PRDM10: variants seen among roughly 807,000 people sequenced by gnomAD.
The protein encoded by PRDM10 is PR domain zinc finger protein 10.
In PRDM10, 65 loss-of-function variants were observed where a neutral mutation model predicts 133.1. The observed-to-expected ratio is 0.49, with a 90% CI of 0.40 to 0.60. PRDM10 has a LOEUF of 0.60. PRDM10 is among the 20% of genes least tolerant of loss of function. The pLI is 0.00. For missense variants in PRDM10, 1,137 were observed against 1,507.1 expected (o/e 0.75, Z 4.07); for synonymous variants, 582 against 580.4 (o/e 1.00, Z -0.04).
chr11:129,960,810 A>T, intron 2 of PRDM10, 86 bp downstream of exon 2: 1 of 1,387,734 alleles, frequency 7.2e-7, no homozygotes, highest in Non-Finnish European at 1.0e-6. Context: ...AGTCACTACT[A>T]GATAGCAGCT....
At chr11:129,956,767 C>A (rs1288312237) in intron 3 of PRDM10, among the ~76,000 whole-genome samples, 1 of 152,108 alleles carries the variant, frequency 6.6e-6, no homozygotes, top group Admixed American at 6.6e-5. Context: ...ATTAGGCGGG[C>A]CTCATTTCTA....
chr11:129,979,240 C>T (rs1341361280), intron 1 of PRDM10, among the ~76,000 whole-genome samples: 3 of 152,078 alleles, frequency 2.0e-5, no homozygotes, highest in Non-Finnish European at 4.4e-5. Flanking sequence ...GCAGCACGTG[C>T]CTGCAAAAAA....
intron 13 of PRDM10, among the ~76,000 whole-genome samples, chr11:129,921,040 G>A (rs1950508905): frequency 6.6e-6 from 1 of 152,088 alleles, no homozygotes; most frequent in Non-Finnish European, 1.5e-5. Context: ...CAGGTGATCT[G>A]CCCACCTTGG....
At chr11:129,938,030 A>G (rs1490860210) in intron 7 of PRDM10, among the ~76,000 whole-genome samples, 2 of 152,176 alleles carry the variant, frequency 1.3e-5, no homozygotes, top group Non-Finnish European at 1.5e-5. Flanking sequence ...GTTGCCACCA[A>G]ACAGCCCTTA....
chr11:129,930,470 G>A (rs1591616394), intron 11 of PRDM10, among the ~76,000 whole-genome samples: 1 of 152,326 alleles, frequency 6.6e-6, no homozygotes, highest in East Asian at 1.9e-4. Flanking sequence ...CCGTGACTCA[G>A]ACACTGACTA....
At chr11:129,928,799 TC>T (rs1398205883) in intron 11 of PRDM10, among the ~76,000 whole-genome samples, 1 of 152,098 alleles carries the variant, frequency 6.6e-6, no homozygotes, top group East Asian at 1.9e-4. Flanking sequence ...GCACCATCCT[TC>T]CACTGCACCC....
At chr11:129,995,438 CAG>C (rs1222561451) in intron 1 of PRDM10, among the ~76,000 whole-genome samples, 5 of 152,236 alleles carry the variant, frequency 3.3e-5, no homozygotes, top group Admixed American at 3.3e-4. Context: ...ACAAGTGTCT[CAG>C]AGAGGACAGT....
chr11:129,955,430 G>A, intron 4 of PRDM10, 82 bp downstream of exon 4: 1 of 1,325,902 alleles, frequency 7.5e-7, no homozygotes, highest in Non-Finnish European at 1.1e-6. Context: ...TCCAGAGATG[G>A]TGCAGTGCAA....
At chr11:129,986,109 C>T (rs2135981972) in intron 1 of PRDM10, among the ~76,000 whole-genome samples, 1 of 151,012 alleles carries the variant, frequency 6.6e-6, no homozygotes, top group South Asian at 2.1e-4. Context: ...CGCCCTGTGC[C>T]TCCAACCTGT....
intron 11 of PRDM10, 69 bp downstream of exon 11, chr11:129,930,947 C>T: frequency 6.5e-7 from 1 of 1,530,306 alleles, no homozygotes; most frequent in Non-Finnish European, 8.7e-7. Context: ...GTTAGAAAAC[C>T]ACCAGAGAGC....
rs746393991 is a variant in PRDM10, at chr11:129,917,175, T to A, written c.2277A>T (p.Leu759=). ...AATCACGATTGGGTTTTATGATGGG[T>A]AGAGTTAACTCTGGCACCTCTTCTA... The part of the protein sequence containing the change: ...MKIEEVPELT[L]PIIKPNRDYF... Residue 759 remains leucine (L), a synonymous_variant, in exon 15 of 21, where the codon CTA becomes CTT. Coordinates refer to ENST00000360871, the MANE Select transcript of PRDM10 (RefSeq NM_199437.2). 6.2e-7 allele frequency: 1 copy of A among 1,613,864 alleles called. No homozygotes were observed. The highest frequency in any genetic ancestry group is 8.5e-7 in the Non-Finnish European group (1 of 1,179,766).
rs371464811 is a variant in PRDM10 at position 129,971,469 on chromosome 11, C to G, written c.-118-10387G>C. 2.0e-5 allele frequency among the ~76,000 whole-genome samples: 3 copies of G among 152,258 alleles called. No individual in the cohort carries two copies. The East Asian group carries it at 5.8e-4, about 29-fold the overall frequency. On this transcript the variant is annotated intron_variant, in intron 1 of 20. Transcript: ENST00000360871. Reference sequence around the variant, plus strand: ...AAGGTTCTCCAAGGCCCCACCAGAGCAGCTAGATACAGAGTGTCCATTGGT... The same window carrying G: ...AAGGTTCTCCAAGGCCCCACCAGAGGAGCTAGATACAGAGTGTCCATTGGT...
At chr11:130,000,806 T>C (rs1024300875) in intron 1 of PRDM10, among the ~76,000 whole-genome samples, 1 of 152,172 alleles carries the variant, frequency 6.6e-6, no homozygotes. Flanking sequence ...CCTCAATTTA[T>C]TGTAAAAGTA....
At chr11:129,963,708 G>A (rs1184810892) in intron 1 of PRDM10, among the ~76,000 whole-genome samples, 1 of 151,866 alleles carries the variant, frequency 6.6e-6, no homozygotes, top group Non-Finnish European at 1.5e-5. Flanking sequence ...ATTCCTAAGT[G>A]CCTAATTCTT....
In PRDM10 at chr11:129,918,654, G is replaced by C. The variant is rs760518826; in HGVS notation, c.2099C>G (p.Ala700Gly). ...CGTCTTGGAGCGGCTGATGCGGTCG[G>C]CTTTCTTGGCCTCCCTCTCAGGATT... is the stretch of plus-strand genomic sequence containing the variant. Reference protein sequence around the residue: ...MHNPEREAKKADRISRSKTFK... With the variant: ...MHNPEREAKKGDRISRSKTFK... Residue 700 changes from alanine (A) to glycine (G), a missense_variant, in exon 14 of 21, where the codon GCC becomes GGC. Transcript: ENST00000360871. The surrounding 1 kb of genome is among the most constrained non-coding windows in gnomAD (Gnocchi z 5.3). 2 of 1,614,122 alleles carry C rather than the reference G, an allele frequency of 1.2e-6. No homozygotes were observed. Among genetic ancestry groups the C allele is most frequent in the Admixed American group, 1.7e-5 (1 of 60,012 alleles).
chr11:129,972,183 G>A (rs1436928386), intron 1 of PRDM10, among the ~76,000 whole-genome samples: 1 of 152,056 alleles, frequency 6.6e-6, no homozygotes, highest in Non-Finnish European at 1.5e-5. Context: ...GCGCAGCCCC[G>A]GTTACAGCTG....
intron 1 of PRDM10, among the ~76,000 whole-genome samples, chr11:129,980,168 G>A (rs538806077): frequency 6.6e-5 from 10 of 152,280 alleles, no homozygotes; most frequent in African/African-American, 1.9e-4. Flanking sequence ...CATAGTTACC[G>A]TACGACCAAG....
At chr11:129,969,051 C>G (rs769561969) in intron 1 of PRDM10, among the ~76,000 whole-genome samples, 1 of 152,190 alleles carries the variant, frequency 6.6e-6, no homozygotes, top group Non-Finnish European at 1.5e-5. Flanking sequence ...ACACACTCCC[C>G]CGCTGCACAG....
At chr11:129,912,753 A>G (rs747201174) in intron 17 of PRDM10, among the ~76,000 whole-genome samples, 40 of 127,244 alleles carry the variant, frequency 3.1e-4, no homozygotes, top group Middle Eastern at 4.5e-3. Flanking sequence ...CTCCATCTCG[A>G]AAAAAAAAAA....
Sources: gnomAD v4.1 joint callset for allele counts (sites outside exome capture counted in the v4.1 genomes callset) on GRCh38, gnomAD v4.1.1 for gene constraint, Gnocchi (gnomAD v3.1) non-coding constraint, MANE v1.5 for transcripts, NCBI Gene and HGNC (gene_info 2026-07-23, HGNC 2026-07-21) for gene names.